Variants in CD247 observed in about 807,000 individuals in gnomAD.
CD247 encodes the protein T-cell surface glycoprotein CD3 zeta chain.
In CD247, 13 loss-of-function variants were observed where a neutral mutation model predicts 30.0. The ratio of observed to expected loss-of-function variants is 0.43; its 90% confidence interval spans 0.28 to 0.69. The LOEUF (loss-of-function observed/expected upper bound fraction) is 0.69, where lower values mean the gene tolerates loss of function less well. Ranked by LOEUF, CD247 falls within the 30% of genes least tolerant of loss-of-function variation. CD247 has a pLI of 0.16. For missense variants in CD247, 193 were observed against 212.6 expected (o/e 0.91, Z 0.57); for synonymous variants, 72 against 80.0 (o/e 0.90, Z 0.53).
In CD247 at chr1:167,431,557, C is replaced by T; in HGVS notation, c.*124G>A. On this transcript the variant is annotated 3_prime_UTR_variant, in exon 8 of 8. Coordinates refer to ENST00000362089, the MANE Select transcript of CD247 (RefSeq NM_198053.3). ...TGGAGCTAAATATAACCAAAGCATCCTGTACATAAAGGGGAATACTTCAGT... is the reference window on the plus strand; with the variant it reads ...TGGAGCTAAATATAACCAAAGCATCTTGTACATAAAGGGGAATACTTCAGT... 2 of 844,692 alleles carry T rather than the reference C, an allele frequency of 2.4e-6. No homozygotes were observed. Among genetic ancestry groups the T allele is most frequent in the East Asian group, 4.8e-5 (2 of 41,456 alleles). 52.3% of individuals were successfully genotyped at this position (844,692 alleles called of 1,614,324 possible).
Position 167,433,045 on chromosome 1 carries a change from C to A in CD247, c.408G>T (p.Lys136Asn), listed in dbSNP as rs763532939. ...IGMKGERRRG[K>N]GHDGLYQGLS... is the part of the protein sequence containing the mutation. ...CTACCTGGTAAAGGCCATCGTGCCC[C>A]TTGCCCCTCCGGCGCTGGTTGTTTG... is the stretch of plus-strand genomic sequence containing the variant. The change falls in exon 7 of 8, where the codon AAG becomes AAT. Residue 136 changes from lysine (K) to asparagine (N), a missense_variant. Transcript: ENST00000362089. The A allele has an allele frequency of 6.2e-7, 1 of 1,614,230 alleles. No homozygotes were observed. Among genetic ancestry groups the A allele is most frequent in the South Asian group, 1.1e-5 (1 of 91,086 alleles).
At chr1:167,472,093 G>A (rs1043488963) in intron 1 of CD247, among the ~76,000 whole-genome samples, 2 of 151,776 alleles carry the variant, frequency 1.3e-5, no homozygotes, top group African/African-American at 4.8e-5. Context: ...CTCAGCCTCC[G>A]AAAGTGCTAG....
chr1:167,438,399 G>A (rs972297754), intron 4 of CD247, among the ~76,000 whole-genome samples, 171 bp downstream of exon 4: 2 of 152,230 alleles, frequency 1.3e-5, no homozygotes, highest in Admixed American at 1.3e-4. Context: ...GAGCCAAGGA[G>A]GAAGGAAGAG....
chr1:167,499,780 T>G (rs186936842), intron 1 of CD247, among the ~76,000 whole-genome samples: 135 of 152,258 alleles, frequency 8.9e-4, no homozygotes, highest in African/African-American at 3.2e-3. Context: ...TCCAGAAGAA[T>G]GGAATTCAAA....
At chr1:167,460,767 G>A (rs1264695688) in intron 1 of CD247, among the ~76,000 whole-genome samples, 1 of 152,110 alleles carries the variant, frequency 6.6e-6, no homozygotes, top group East Asian at 1.9e-4. Context: ...AGGCCCTGGT[G>A]TGTGATGTTC....
At chr1:167,482,402 G>T (rs1384457778) in intron 1 of CD247, among the ~76,000 whole-genome samples, 3 of 152,220 alleles carry the variant, frequency 2.0e-5, no homozygotes, top group Non-Finnish European at 4.4e-5. Context: ...TCAGGGCTTT[G>T]CCTGGGTTTG....
chr1:167,493,295 G>A (rs1040169704), intron 1 of CD247, among the ~76,000 whole-genome samples: 6 of 152,026 alleles, frequency 3.9e-5, no homozygotes, highest in African/African-American at 9.6e-5. Flanking sequence ...CGCCAGCCTC[G>A]GCCTCCCAAA....
chr1:167,444,694 G>A (rs781538674), intron 1 of CD247, among the ~76,000 whole-genome samples: 1 of 152,170 alleles, frequency 6.6e-6, no homozygotes, highest in Non-Finnish European at 1.5e-5. Flanking sequence ...ATCATTACAG[G>A]GGCCACAGCA....
intron 1 of CD247, among the ~76,000 whole-genome samples, chr1:167,441,571 C>G (rs1480950693): frequency 6.6e-6 from 1 of 152,228 alleles, no homozygotes; most frequent in African/African-American, 2.4e-5. Context: ...GTTCCCTCTT[C>G]ATGTTCCCTC....
chr1:167,454,867 C>G (rs1423104521), intron 1 of CD247, among the ~76,000 whole-genome samples: 2 of 152,254 alleles, frequency 1.3e-5, no homozygotes, highest in African/African-American at 2.4e-5. Flanking sequence ...CTGCCTCGCT[C>G]GCTGGTCGCC....
chr1:167,495,835 A>G (rs1654668238), intron 1 of CD247, among the ~76,000 whole-genome samples: 1 of 152,092 alleles, frequency 6.6e-6, no homozygotes, highest in South Asian at 2.1e-4. Context: ...GTTTGACTAG[A>G]ATGCCACCAT....
At position 167,442,439 on chromosome 1, in the gene CD247, T is replaced by C. The variant is rs993287835; in HGVS notation, c.59-1672A>G. On this transcript the variant is annotated intron_variant, in intron 1 of 7. Transcript: ENST00000362089. ...GATTTGGGGCAGGTTATGTATGCTC[T>C]GTCAGCTGCCTCTTCTGTTGAACAG... Among the ~76,000 whole-genome samples the C allele has an allele frequency of 3.1e-4, 47 of 152,240 alleles. 1 individual carries two copies.
intron 1 of CD247, among the ~76,000 whole-genome samples, chr1:167,477,350 C>A (rs1653794025): frequency 6.6e-6 from 1 of 152,144 alleles, no homozygotes; most frequent in Non-Finnish European, 1.5e-5. Flanking sequence ...GTGGTCAGTG[C>A]CAGAAGAAAG....
rs75534980 is a variant in CD247, at chr1:167,440,943, C to T, written c.59-176G>A. Among the ~76,000 whole-genome samples the T allele has an allele frequency of 0.013, 2,007 of 152,320 alleles. 33 individuals carry two copies. Among genetic ancestry groups the T allele is most frequent in the Non-Finnish European group, 0.02 (1,336 of 68,030 alleles). On this transcript the variant is annotated intron_variant, in intron 1 of 7. Transcript: ENST00000362089. ...TCCCTCCCTCCCACCTCAACCAGCT[C>T]CTGGAAAACCTATTGGCACCAACGG...
chr1:167,480,527 G>A (rs1222136386), intron 1 of CD247, among the ~76,000 whole-genome samples: 2 of 152,148 alleles, frequency 1.3e-5, no homozygotes, highest in Non-Finnish European at 2.9e-5. Context: ...AGCTCTAAAA[G>A]GTTGTTTTGC....
At chr1:167,471,264 A>G (rs1195887632) in intron 1 of CD247, among the ~76,000 whole-genome samples, 1 of 152,198 alleles carries the variant, frequency 6.6e-6, no homozygotes, top group Non-Finnish European at 1.5e-5. Flanking sequence ...CTTAAATTTA[A>G]AGAAAATTGG....
chr1:167,504,875 G>A (rs888195126), intron 1 of CD247, among the ~76,000 whole-genome samples: 1 of 152,124 alleles, frequency 6.6e-6, no homozygotes, highest in Non-Finnish European at 1.5e-5. Flanking sequence ...CAACTGACAG[G>A]AAAATCTGGG....
chr1:167,467,950 T>C (rs1188893820), intron 1 of CD247, among the ~76,000 whole-genome samples: 1 of 152,136 alleles, frequency 6.6e-6, no homozygotes, highest in Non-Finnish European at 1.5e-5. Context: ...GACTTTTAAA[T>C]CATTTAGGCG....
At chr1:167,504,104 G>T (rs1346290076) in intron 1 of CD247, among the ~76,000 whole-genome samples, 1 of 152,168 alleles carries the variant, frequency 6.6e-6, no homozygotes, top group Non-Finnish European at 1.5e-5. Context: ...ATGGCGGGGG[G>T]AGCGAGGGCA....
Sources: gnomAD v4.1 joint callset for allele counts (sites outside exome capture counted in the v4.1 genomes callset) on GRCh38, gnomAD v4.1.1 for gene constraint, MANE v1.5 for transcripts, NCBI Gene and HGNC (gene_info 2026-07-23, HGNC 2026-07-21) for gene names.